SCFD2: variants seen among roughly 807,000 people sequenced by gnomAD.
SCFD2 encodes sec1 family domain containing 2.
Under a neutral mutation model 58.9 loss-of-function variants are expected in SCFD2, and 54 were observed. That is an observed-to-expected ratio of 0.92 (90% CI 0.74 to 1.15). SCFD2 has a LOEUF of 1.15. SCFD2 is among the 50% of genes most tolerant of loss of function. SCFD2 has a pLI of 0.00. For missense variants in SCFD2, 805 were observed against 836.6 expected (o/e 0.96, Z 0.47); for synonymous variants, 321 against 335.9 (o/e 0.96, Z 0.49).
intron 4 of SCFD2, among the ~76,000 whole-genome samples, chr4:53,194,255 G>T (rs1412668274): frequency 6.6e-6 from 1 of 152,014 alleles, no homozygotes; most frequent in Non-Finnish European, 1.5e-5. Flanking sequence ...ACTAACGAAT[G>T]CAGTTTTCTT....
intron 5 of SCFD2, among the ~76,000 whole-genome samples, chr4:53,051,494 C>T (rs1415328485): frequency 6.6e-6 from 1 of 152,138 alleles, no homozygotes; most frequent in East Asian, 1.9e-4. Flanking sequence ...CTAGGGGAAG[C>T]AACCCAAGCC....
intron 5 of SCFD2, among the ~76,000 whole-genome samples, chr4:53,026,766 T>C (rs569938714): frequency 1.3e-5 from 2 of 152,286 alleles, no homozygotes; most frequent in African/African-American, 2.4e-5. Context: ...GTCACTCTAA[T>C]AGGATACAGT....
chr4:53,291,115 A>G (rs575872577), intron 3 of SCFD2, among the ~76,000 whole-genome samples: 21 of 152,270 alleles, frequency 1.4e-4, no homozygotes, highest in African/African-American at 4.1e-4. Context: ...TATCTCCTCA[A>G]TATCTAAACT....
At position 53,166,530 on chromosome 4, in the gene SCFD2, A is replaced by G. The variant is rs1413186587; in HGVS notation, c.1312-20948T>C. Among the ~76,000 whole-genome samples the G allele has an allele frequency of 3.9e-5, 6 of 152,188 alleles. No individual in the cohort carries two copies. In the East Asian group the frequency reaches 1.2e-3, roughly 29 times the overall value. ...AGAGATTGGAGGGCTCAAAGACATA[A>G]AAAAAGAGACAAATTTTGAAGTTAC... On this transcript the variant is annotated intron_variant, in intron 4 of 8. Coordinates refer to ENST00000401642, the MANE Select transcript of SCFD2 (RefSeq NM_152540.4).
chr4:53,283,172 A>T (rs1340697768), intron 3 of SCFD2, among the ~76,000 whole-genome samples: 6 of 152,258 alleles, frequency 3.9e-5, no homozygotes. Flanking sequence ...ATACTTACCC[A>T]GTCGATAGTC....
intron 5 of SCFD2, among the ~76,000 whole-genome samples, chr4:53,055,070 A>G (rs527480923): frequency 2.4e-4 from 36 of 152,300 alleles, no homozygotes; most frequent in African/African-American, 8.2e-4. Context: ...ATTCACCACA[A>G]TATCAGTAAT....
intron 4 of SCFD2, among the ~76,000 whole-genome samples, chr4:53,198,041 C>T (rs773645117): frequency 7.9e-5 from 12 of 151,862 alleles, no homozygotes; most frequent in Non-Finnish European, 1.2e-4. Context: ...TGGGAGTTTG[C>T]GGACAGGAAA....
At chr4:53,073,993 G>A (rs1306445735) in intron 5 of SCFD2, among the ~76,000 whole-genome samples, 2 of 152,060 alleles carry the variant, frequency 1.3e-5, no homozygotes, top group South Asian at 2.1e-4. Flanking sequence ...ATAAGACAAC[G>A]ATAAAGTCTG....
chr4:52,913,863 G>A (rs557958319), intron 6 of SCFD2, among the ~76,000 whole-genome samples: 2 of 152,244 alleles, frequency 1.3e-5, no homozygotes, highest in South Asian at 2.1e-4. Flanking sequence ...CACTTCCACC[G>A]CAGTTCATTG....
chr4:53,248,136 C>G (rs1008575068), intron 4 of SCFD2, among the ~76,000 whole-genome samples: 4 of 152,198 alleles, frequency 2.6e-5, no homozygotes, highest in Non-Finnish European at 4.4e-5. Context: ...AGGGAGTTCC[C>G]TTTCTTGGTC....
At chr4:52,998,419 C>T (rs1443172378) in intron 5 of SCFD2, among the ~76,000 whole-genome samples, 1 of 152,174 alleles carries the variant, frequency 6.6e-6, no homozygotes, top group Non-Finnish European at 1.5e-5. Context: ...CTTTTAGGTA[C>T]CATGGCCAAC....
intron 5 of SCFD2, among the ~76,000 whole-genome samples, chr4:52,931,363 G>A (rs1239913911): frequency 6.6e-6 from 1 of 152,146 alleles, no homozygotes; most frequent in Non-Finnish European, 1.5e-5. Flanking sequence ...TGCTGCACCT[G>A]ATAGAAGAAC....
intron 4 of SCFD2, among the ~76,000 whole-genome samples, chr4:53,205,794 G>A (rs932893509): frequency 2.6e-5 from 4 of 151,824 alleles, no homozygotes; most frequent in Non-Finnish European, 4.4e-5. Flanking sequence ...CCCAGGAAGC[G>A]GAGCTTGCAG....
chr4:53,028,159 A>C (rs1200801559), intron 5 of SCFD2, among the ~76,000 whole-genome samples: 1 of 152,084 alleles, frequency 6.6e-6, no homozygotes, highest in African/African-American at 2.4e-5. Context: ...AGGCATGAGA[A>C]TCACTTGAAC....
chr4:53,076,414 T>G (rs1349203453), intron 5 of SCFD2, among the ~76,000 whole-genome samples: 1 of 152,230 alleles, frequency 6.6e-6, no homozygotes, highest in East Asian at 1.9e-4. Flanking sequence ...TGGAAACATG[T>G]TACCATCCTG....
chr4:53,209,180 C>A (rs1294625794), intron 4 of SCFD2, among the ~76,000 whole-genome samples: 3 of 152,134 alleles, frequency 2.0e-5, no homozygotes, highest in Admixed American at 6.5e-5. Flanking sequence ...TTCCTGCTCT[C>A]ACTCTCCAAG....
At chr4:53,121,273 G>A (rs1229580138) in intron 5 of SCFD2, among the ~76,000 whole-genome samples, 1 of 152,074 alleles carries the variant, frequency 6.6e-6, no homozygotes, top group Non-Finnish European at 1.5e-5. Flanking sequence ...GAGAATGAAA[G>A]GGATTGATTC....
chr4:52,990,507 C>G, intron 5 of SCFD2, among the ~76,000 whole-genome samples: 1 of 152,180 alleles, frequency 6.6e-6, no homozygotes, highest in East Asian at 1.9e-4. Flanking sequence ...AGGCTGCTTG[C>G]AAAGCCATAG....
At chr4:53,160,547 G>C (rs1186368398) in intron 4 of SCFD2, among the ~76,000 whole-genome samples, 1 of 152,154 alleles carries the variant, frequency 6.6e-6, no homozygotes, top group Non-Finnish European at 1.5e-5. Context: ...GTGTTTCAAA[G>C]GAGAAAACAC....
Sources: gnomAD v4.1 joint callset for allele counts (sites outside exome capture counted in the v4.1 genomes callset) on GRCh38, gnomAD v4.1.1 for gene constraint, MANE v1.5 for transcripts, NCBI Gene and HGNC (gene_info 2026-07-23, HGNC 2026-07-21) for gene names.